The following CPQ variants were observed in gnomAD, a reference collection of about 807,000 sequenced individuals.
CPQ encodes the protein Ser-Met dipeptidase.
A neutral mutation model predicts 45.7 loss-of-function variants in CPQ; 37 were observed. That is an observed-to-expected ratio of 0.81 (90% CI 0.62 to 1.07). The LOEUF is 1.07. Among genes scored for constraint, CPQ ranks in the 50% least tolerant of loss-of-function variants. The pLI is 0.00. For missense variants in CPQ, 537 were observed against 572.9 expected (o/e 0.94, Z 0.64); for synonymous variants, 186 against 205.8 (o/e 0.90, Z 0.82).
intron 1 of CPQ, among the ~76,000 whole-genome samples, chr8:96,698,336 C>T (rs1809413581): frequency 6.6e-6 from 1 of 152,028 alleles, no homozygotes; most frequent in African/African-American, 2.4e-5. Flanking sequence ...TCATGATATA[C>T]AAAAATCAAA....
Position 96,930,561 on chromosome 8 carries a change from C to T in CPQ, c.850-35374C>T, listed in dbSNP as rs537911272. Among the ~76,000 whole-genome samples the T allele has an allele frequency of 5.3e-5, 8 of 152,246 alleles. No homozygotes were observed. In the South Asian group the frequency reaches 6.2e-4, roughly 12 times the overall value. On this transcript the variant is annotated intron_variant, in intron 4 of 7. Transcript: ENST00000220763. ...TTTGGAGATTTTTAGTTTTAAACCA[C>T]GTATTTTACTGGAAGTATAATGCAC...
intron 3 of CPQ, among the ~76,000 whole-genome samples, chr8:96,870,525 T>C (rs1563517239): frequency 6.6e-6 from 1 of 151,986 alleles, no homozygotes; most frequent in Non-Finnish European, 1.5e-5. Flanking sequence ...GTTAAAAGCA[T>C]GACTCCAGCC....
intron 7 of CPQ, among the ~76,000 whole-genome samples, chr8:97,100,430 G>T (rs1370922669): frequency 1.3e-5 from 2 of 152,144 alleles, no homozygotes; most frequent in Non-Finnish European, 2.9e-5. Flanking sequence ...AACACAGGAG[G>T]TAATGAGCAT....
At chr8:96,945,105 G>A (rs1017611550) in intron 4 of CPQ, among the ~76,000 whole-genome samples, 5 of 152,132 alleles carry the variant, frequency 3.3e-5, no homozygotes, top group Non-Finnish European at 7.4e-5. Context: ...AGGAAGAAAA[G>A]AGCTCTGGGG....
chr8:96,931,213 A>G (rs1812970560), intron 4 of CPQ, among the ~76,000 whole-genome samples: 1 of 152,232 alleles, frequency 6.6e-6, no homozygotes, highest in Non-Finnish European at 1.5e-5. Context: ...CCTTATAGCC[A>G]TGCTAGCTTC....
intron 1 of CPQ, among the ~76,000 whole-genome samples, chr8:96,700,446 T>C (rs886092086): frequency 2.0e-5 from 3 of 151,986 alleles, no homozygotes; most frequent in African/African-American, 7.3e-5. Flanking sequence ...GAGGGTTGAG[T>C]GCGTGGACCA....
At chr8:96,877,997 C>G (rs1812170858) in intron 3 of CPQ, among the ~76,000 whole-genome samples, 1 of 151,994 alleles carries the variant, frequency 6.6e-6, no homozygotes, top group African/African-American at 2.4e-5. Flanking sequence ...GAGTCTCGCT[C>G]TGTCGCCCAG....
intron 6 of CPQ, among the ~76,000 whole-genome samples, chr8:97,032,805 C>A (rs1809932335): frequency 6.6e-6 from 1 of 152,134 alleles, no homozygotes; most frequent in Non-Finnish European, 1.5e-5. Context: ...TCAAAAATAA[C>A]TTTAAATGCA....
At chr8:97,102,410 A>G (rs1299610728) in intron 7 of CPQ, among the ~76,000 whole-genome samples, 1 of 152,204 alleles carries the variant, frequency 6.6e-6, no homozygotes, top group African/African-American at 2.4e-5. Flanking sequence ...GAAAAGAATG[A>G]GGACCAGAGT....
chr8:97,140,628 G>T (rs577497792), intron 7 of CPQ, among the ~76,000 whole-genome samples: 1 of 151,776 alleles, frequency 6.6e-6, no homozygotes, highest in Admixed American at 6.6e-5. Context: ...AAAGATGTTC[G>T]GTTCCCCCCA....
At chr8:97,046,847 A>G (rs1036241355) in intron 6 of CPQ, among the ~76,000 whole-genome samples, 2 of 152,204 alleles carry the variant, frequency 1.3e-5, no homozygotes, top group Non-Finnish European at 2.9e-5. Flanking sequence ...AGGCAATCAA[A>G]CTGTTTTGTC....
chr8:97,064,206 A>G (rs2513343), intron 6 of CPQ, among the ~76,000 whole-genome samples: 90,717 of 151,944 alleles, frequency 0.6, 29,320 homozygotes, highest in Non-Finnish European at 0.73. Flanking sequence ...AAGATGACTC[A>G]ATTCTGTTTT....
chr8:96,785,560 C>T (rs1465810990), intron 2 of CPQ, among the ~76,000 whole-genome samples: 1 of 152,060 alleles, frequency 6.6e-6, no homozygotes. Context: ...AGCTACTGGT[C>T]CATGATACTT....
intron 5 of CPQ, 108 bp from the exon 6 acceptor site, chr8:97,029,295 G>A (rs1429854791): frequency 3.0e-5 from 31 of 1,029,544 alleles, no homozygotes; most frequent in Non-Finnish European, 3.8e-5. Context: ...AGAGTTGAAT[G>A]CCTCTGATTT....
At chr8:96,784,032 G>C (rs1344026423) in intron 1 of CPQ, among the ~76,000 whole-genome samples, 1 of 152,006 alleles carries the variant, frequency 6.6e-6, no homozygotes, top group Non-Finnish European at 1.5e-5. Context: ...TTAATCGCTT[G>C]GTGCCTCAGT....
At chr8:96,969,240 G>GTGAT (rs1255711557) in intron 5 of CPQ, among the ~76,000 whole-genome samples, 2 of 152,220 alleles carry the variant, frequency 1.3e-5, no homozygotes, top group Non-Finnish European at 2.9e-5. Flanking sequence ...CCTCCTGACT[G>GTGAT]TGATTACTAT....
At chr8:96,664,743 T>C (rs1483896973) in intron 1 of CPQ, among the ~76,000 whole-genome samples, 2 of 152,206 alleles carry the variant, frequency 1.3e-5, no homozygotes, top group African/African-American at 4.8e-5. Flanking sequence ...AGTAAAGTTG[T>C]GAGCCAAGAT....
chr8:96,891,832 A>G (rs1012892803), intron 4 of CPQ, among the ~76,000 whole-genome samples: 6 of 152,222 alleles, frequency 3.9e-5, no homozygotes, highest in African/African-American at 7.2e-5. Context: ...TGGCAGCTAC[A>G]TGCTTCTATA....
In CPQ at chr8:97,101,576, T is replaced by C. The variant is rs904823303; in HGVS notation, c.1255+35366T>C. Among the ~76,000 whole-genome samples the C allele has an allele frequency of 2.3e-4, 4 of 17,156 alleles. No individual in the cohort carries two copies. In the East Asian group the frequency reaches 6.0e-3, roughly 26 times the overall value. 11.3% of individuals were successfully genotyped at this position (17,156 alleles called of 152,430 possible). On this transcript the variant is annotated intron_variant, in intron 7 of 7. Coordinates refer to ENST00000220763, the MANE Select transcript of CPQ (RefSeq NM_016134.4). ...CTGAGTCTTTTTTTCTTTTTTCTTT[T>C]TTTTTTTTTTTTTTTGCCTTTTGAC...
Sources: allele counts gnomAD v4.1 joint callset (sites outside exome capture counted in the v4.1 genomes callset), GRCh38; gene constraint gnomAD v4.1.1; transcripts MANE v1.5; gene names NCBI Gene and HGNC (gene_info 2026-07-23, HGNC 2026-07-21).